Variants in FBXO21 observed in about 807,000 individuals in gnomAD.
The protein encoded by FBXO21 is F-box only protein 21.
A neutral mutation model predicts 76.6 loss-of-function variants in FBXO21; 32 were observed. That is an observed-to-expected ratio of 0.42 (90% CI 0.32 to 0.56). FBXO21 has a LOEUF of 0.56. Ranked by LOEUF, FBXO21 falls within the 20% of genes least tolerant of loss-of-function variation. The pLI, the probability that FBXO21 is intolerant of heterozygous loss-of-function variation, is 0.16. For synonymous variants in FBXO21, 328 were observed against 311.5 expected, an observed-to-expected ratio of 1.05 and a Z score of -0.56; for missense variants, 586 against 797.3, an observed-to-expected ratio of 0.73 and a Z score of 3.19.
At position 117,143,336 on chromosome 12, in the gene FBXO21, G is replaced by A. The variant is rs1955735008; in HGVS notation, c.*2751C>T. ...AGGTATTGAGAAACACCACCATAGA[G>A]TCAATTGACTTTGTTTAACCTATAA... On this transcript the variant is annotated 3_prime_UTR_variant, in exon 12 of 12. Transcript: ENST00000622495. 6.6e-6 allele frequency: 1 copy of A among 152,144 alleles called. No homozygotes were observed. The highest frequency in any genetic ancestry group is 1.5e-5 in the Non-Finnish European group (1 of 68,036). 9.4% of individuals were successfully genotyped at this position (152,144 alleles called of 1,614,324 possible). A position where few individuals can be genotyped will look rare whatever the true frequency, so the allele number is the denominator to read the frequency against.
rs369002049 is a variant in FBXO21 at position 117,165,518 on chromosome 12, C to T, written c.1293G>A (p.Arg431=). The change falls in exon 9 of 12, where the codon AGG becomes AGA. Residue 431 remains arginine (R), a synonymous_variant. Coordinates refer to ENST00000622495, the MANE Select transcript of FBXO21 (RefSeq NM_015002.3). ...GCCAGATTCCCAGGTGGAAGTAAAG[C>T]CTGGCTTGGAGGAGGAGAAGCTGCA... ...DQVQLLLLQA[R]LYFHLGIWPE... is the part of the protein sequence containing the mutation. 2.5e-6 allele frequency: 4 copies of T among 1,613,802 alleles called. No individual in the cohort carries two copies. Among genetic ancestry groups the T allele is most frequent in the East Asian group, 4.5e-5 (2 of 44,886 alleles).
At chr12:117,160,859 C>A (rs991570777) in intron 9 of FBXO21, among the ~76,000 whole-genome samples, 7 of 152,216 alleles carry the variant, frequency 4.6e-5, no homozygotes, top group Non-Finnish European at 8.8e-5. Context: ...GTCTCAAACT[C>A]CTGGCCTCAA....
At chr12:117,165,766 A>C in intron 8 of FBXO21, 149 bp from the exon 9 acceptor site, 1 of 713,420 alleles carries the variant, frequency 1.4e-6, no homozygotes, top group South Asian at 2.9e-5. Context: ...GAAGAGATAC[A>C]ATGCTCTTAA....
In FBXO21 at chr12:117,143,272, TTC is replaced by T. The variant is rs1433006032; in HGVS notation, c.*2813_*2814del. The T allele has an allele frequency of 6.6e-6, 1 of 151,998 alleles. No homozygotes were observed. Among genetic ancestry groups the T allele is most frequent in the Non-Finnish European group, 1.5e-5 (1 of 67,996 alleles). The allele number at this position is 151,998 out of a possible 1,614,324, so 9.4% of individuals were successfully genotyped here. ...TCAAGATGACACACCCGCTGCACACTTCTCTTAGAAAGTCACGACGCACAGTA... is the reference window on the plus strand; with the variant it reads ...TCAAGATGACACACCCGCTGCACACTTCTTAGAAAGTCACGACGCACAGTA... On this transcript the variant is annotated 3_prime_UTR_variant, in exon 12 of 12. Transcript: ENST00000622495.
At chr12:117,172,032 C>G (rs1167609492) in intron 7 of FBXO21, among the ~76,000 whole-genome samples, 1 of 152,148 alleles carries the variant, frequency 6.6e-6, no homozygotes, top group Non-Finnish European at 1.5e-5. Flanking sequence ...TCTTCCTCTC[C>G]CACTCATGTG....
chr12:117,189,013 G>A, intron 2 of FBXO21: 1 of 590,256 alleles, frequency 1.7e-6, no homozygotes, highest in Non-Finnish European at 3.0e-6. Flanking sequence ...CTCTCTCTCT[G>A]GCTTTAGAAA....
chr12:117,149,237 T>C (rs551705006), intron 11 of FBXO21, among the ~76,000 whole-genome samples: 4 of 152,326 alleles, frequency 2.6e-5, no homozygotes, highest in African/African-American at 9.6e-5. Context: ...TGGGCTCAAA[T>C]GATCCTCCTG....
intron 9 of FBXO21, among the ~76,000 whole-genome samples, chr12:117,159,310 G>GAAAA (rs10655877): frequency 7.0e-6 from 1 of 143,062 alleles, no homozygotes; most frequent in Non-Finnish European, 1.5e-5. Flanking sequence ...GGATTAGGTG[G>GAAAA]AAAAAAAAAA....
Position 117,172,394 on chromosome 12 carries a change from T to A in FBXO21, c.1013+77A>T, listed in dbSNP as rs1440534570. The A allele has an allele frequency of 3.3e-6, 5 of 1,517,470 alleles. No individual in the cohort carries two copies. The East Asian group carries it at 1.1e-4, about 35-fold the overall frequency. The allele number at this position is 1,517,470 out of a possible 1,614,324, so 94.0% of individuals were successfully genotyped here. A position where few individuals can be genotyped will look rare whatever the true frequency, so the allele number is the denominator to read the frequency against. ...ACCTGTGTGGTAACACCCAACTTGA[T>A]GATGAAAATCAGACTGCCTCTCAGC... On this transcript the variant is annotated intron_variant, in intron 7 of 11. Coordinates refer to ENST00000622495, the MANE Select transcript of FBXO21 (RefSeq NM_015002.3).
chr12:117,184,533 C>G (rs1412424293), intron 3 of FBXO21, among the ~76,000 whole-genome samples: 4 of 152,164 alleles, frequency 2.6e-5, no homozygotes, highest in Non-Finnish European at 5.9e-5. Flanking sequence ...ACCAGCAGAT[C>G]ACGTGACATC....
At chr12:117,167,163 A>C (rs2135865488) in intron 7 of FBXO21, 86 bp from the exon 8 acceptor site, 1 of 994,786 alleles carries the variant, frequency 1.0e-6, no homozygotes, top group African/African-American at 1.6e-5. Context: ...CATGGGCTGA[A>C]GGTTGAGACC....
chr12:117,165,096 A>G (rs1405865687), intron 9 of FBXO21, among the ~76,000 whole-genome samples: 1 of 152,230 alleles, frequency 6.6e-6, no homozygotes, highest in East Asian at 1.9e-4. Context: ...TTTCCTGTGA[A>G]AACAGGAGTA....
At chr12:117,176,759 C>T (rs1956178817) in intron 4 of FBXO21, among the ~76,000 whole-genome samples, 1 of 151,590 alleles carries the variant, frequency 6.6e-6, no homozygotes, top group Non-Finnish European at 1.5e-5. Flanking sequence ...AGCAAGACCC[C>T]GTCTCTAAAA....
At chr12:117,177,826 AATCTGAGGAACAGTT>A (rs1413611307) in intron 3 of FBXO21, among the ~76,000 whole-genome samples, 185 bp from the exon 4 acceptor site, 3 of 152,222 alleles carry the variant, frequency 2.0e-5, no homozygotes, top group Admixed American at 6.5e-5. Context: ...GTTGTACTGA[AATCTGAGGAACAGTT>A]ATCTGCCTGG....
intron 9 of FBXO21, among the ~76,000 whole-genome samples, chr12:117,164,095 A>AT (rs973296226): frequency 7.3e-5 from 8 of 110,022 alleles, no homozygotes; most frequent in Non-Finnish European, 1.3e-4. Context: ...CTCAGTTTCT[A>AT]TTTAAAAAAA....
At chr12:117,146,745 C>T (rs1955774916) in intron 11 of FBXO21, among the ~76,000 whole-genome samples, 1 of 152,180 alleles carries the variant, frequency 6.6e-6, no homozygotes. Flanking sequence ...GCAGACCACA[C>T]TTTCCACCCG....
chr12:117,157,046 G>A (rs1955924358), intron 10 of FBXO21, among the ~76,000 whole-genome samples: 1 of 152,088 alleles, frequency 6.6e-6, no homozygotes, highest in Admixed American at 6.5e-5. Context: ...AGCCAGGCGT[G>A]GTGGTGTGCG....
chr12:117,147,281 G>GA (rs1955783235), intron 11 of FBXO21, among the ~76,000 whole-genome samples: 1 of 77,664 alleles, frequency 1.3e-5, no homozygotes, highest in Non-Finnish European at 2.3e-5. Flanking sequence ...AAATAAGACT[G>GA]AAAAAATGGA....
At chr12:117,147,597 CAAAAAAAAAA>C (rs57318190) in intron 11 of FBXO21, among the ~76,000 whole-genome samples, 9 of 87,404 alleles carry the variant, frequency 1.0e-4, no homozygotes, top group African/African-American at 3.5e-4. Context: ...GACTCCATCT[CAAAAAAAAAA>C]AAAAAAAAAA....
Sources: allele counts gnomAD v4.1 joint callset (sites outside exome capture counted in the v4.1 genomes callset), GRCh38; gene constraint gnomAD v4.1.1; transcripts MANE v1.5; gene names NCBI Gene and HGNC (gene_info 2026-07-23, HGNC 2026-07-21).